Variants in RALGDS observed in about 807,000 individuals in gnomAD.
RALGDS encodes the protein ral guanine nucleotide exchange factor.
RALGDS carries 44 observed loss-of-function variants against 99.8 expected under a neutral mutation model. The observed-to-expected ratio is 0.44, with a 90% CI of 0.35 to 0.57. The LOEUF (loss-of-function observed/expected upper bound fraction) is 0.57. Ranked by LOEUF, RALGDS falls within the 20% of genes least tolerant of loss-of-function variation. The probability of loss-of-function intolerance (pLI) is 0.01; values close to 1 mark genes in which losing one functional copy is unlikely to be tolerated. For synonymous variants in RALGDS, 529 were observed against 505.0 expected, an observed-to-expected ratio of 1.05 and a Z score of -0.64; for missense variants, 1,022 against 1,203.1, an observed-to-expected ratio of 0.85 and a Z score of 2.23.
chr9:133,126,253 TTG>T (rs1260211041), intron 1 of RALGDS, among the ~76,000 whole-genome samples: 1 of 144,368 alleles, frequency 6.9e-6, no homozygotes, highest in African/African-American at 2.6e-5. Flanking sequence ...CTGCCTTTCC[TTG>T]GGGGCTACAA....
At chr9:133,142,369 G>C (rs1197829975) in intron 1 of RALGDS, among the ~76,000 whole-genome samples, 1 of 152,110 alleles carries the variant, frequency 6.6e-6, no homozygotes, top group Non-Finnish European at 1.5e-5. Context: ...GTGGGTGTGC[G>C]CTGGTGGGGG....
At chr9:133,100,782 T>A in intron 16 of RALGDS, 1 of 1,152,556 alleles carries the variant, frequency 8.7e-7, no homozygotes, top group Non-Finnish European at 1.1e-6. Flanking sequence ...GGATGCTCAG[T>A]GTGGTCAGCA....
chr9:133,098,763 C>T lies in RALGDS; in HGVS notation c.2570-1G>A. 6.2e-7 allele frequency: 1 copy of T among 1,613,868 alleles called. No individual in the cohort carries two copies. Among genetic ancestry groups the T allele is most frequent in the Non-Finnish European group, 8.5e-7 (1 of 1,179,944 alleles). On this transcript the variant is annotated splice_acceptor_variant, in intron 17 of 17. Transcript: ENST00000372050. LOFTEE classifies it high-confidence loss of function. ...TTGGCGTTTTCAGGGATCTTCAGCTCTGGTGGGGAGGGGCAGAGGGGTGAT... is the reference window on the plus strand; with the variant it reads ...TTGGCGTTTTCAGGGATCTTCAGCTTTGGTGGGGAGGGGCAGAGGGGTGAT...
At position 133,144,570 on chromosome 9, in the gene RALGDS, T is replaced by C. The variant is rs1387585596; in HGVS notation, c.18+4393A>G. 6.6e-6 allele frequency among the ~76,000 whole-genome samples: 1 copy of C among 152,224 alleles called. No individual in the cohort carries two copies. The highest frequency in any genetic ancestry group is 1.5e-5 in the Non-Finnish European group (1 of 68,044). Reference sequence around the variant, plus strand: ...TGTCTGCGGCAGCTCCGCGCCGGGCTGGGCGGCCGCACGGGAGGGCACAGC... The same window carrying C: ...TGTCTGCGGCAGCTCCGCGCCGGGCCGGGCGGCCGCACGGGAGGGCACAGC... On this transcript the variant is annotated intron_variant, in intron 1 of 17. Transcript: ENST00000393160. This position sits in a 1 kb window ranked among gnomAD's most constrained non-coding sequence, Gnocchi z 4.5.
At chr9:133,120,571 C>A (rs1481143027) in intron 1 of RALGDS, among the ~76,000 whole-genome samples, 1 of 152,172 alleles carries the variant, frequency 6.6e-6, no homozygotes, top group African/African-American at 2.4e-5. Flanking sequence ...ACCACTTGTT[C>A]CACACCTGCA....
chr9:133,110,310 G>A lies in RALGDS; in HGVS notation c.474C>T (p.Asp158=). Residue 158 remains aspartate (D), a synonymous_variant, in exon 3 of 18, where the codon GAC becomes GAT. Coordinates refer to ENST00000372050, the MANE Select transcript of RALGDS (RefSeq NM_006266.4). Reference sequence around the variant, plus strand: ...CTCATGCTCACCTTTTGAACAGCAGGTCCAGGACCTGTTGGGTGGTGGTGA... The same window carrying A: ...CTCATGCTCACCTTTTGAACAGCAGATCCAGGACCTGTTGGGTGGTGGTGA... ...RAFTTTQQVL[D]LLFKRYGRCD... 6.2e-7 allele frequency: 1 copy of A among 1,613,728 alleles called. No homozygotes were observed. The highest frequency in any genetic ancestry group is 8.5e-7 in the Non-Finnish European group (1 of 1,179,872).
chr9:133,108,649 GGCA>G (rs1564235808), intron 5 of RALGDS, 21 bp downstream of exon 5: 1 of 1,611,916 alleles, frequency 6.2e-7, no homozygotes, highest in Non-Finnish European at 8.5e-7. Context: ...TTCACCCTCT[GGCA>G]CCCACCCCAG....
Position 133,100,546 on chromosome 9 carries a change from CTCCCCAAGTGAGGCCTCCGTCCTTCTGT to C in RALGDS, c.2455-192_2455-165del, listed in dbSNP as rs1830708681. Reference sequence around the variant, plus strand: ...GAGAGGGCCTTGTCACATTCTCCTACTCCCCAAGTGAGGCCTCCGTCCTTCTGTTCCCCATGTGAGGCCTCCATGGAAT... The same window carrying C: ...GAGAGGGCCTTGTCACATTCTCCTACTCCCCATGTGAGGCCTCCATGGAAT... On this transcript the variant is annotated intron_variant, in intron 16 of 17. Transcript: ENST00000372050. 2.1e-5 allele frequency: 31 copies of C among 1,500,148 alleles called. No individual in the cohort carries two copies. The South Asian group carries it at 3.6e-4, about 17-fold the overall frequency. 92.9% of individuals were successfully genotyped at this position (1,500,148 alleles called of 1,614,324 possible). A position where few individuals can be genotyped will look rare whatever the true frequency, so the allele number is the denominator to read the frequency against.
upstream of RALGDS, among the ~76,000 whole-genome samples, chr9:133,122,914 G>A (rs1445106314): frequency 2.0e-5 from 3 of 152,160 alleles, no homozygotes; most frequent in Non-Finnish European, 4.4e-5. Context: ...ATGTTGGCCA[G>A]GCTGATCTTG....
At chr9:133,138,873 G>A (rs1347000021) in intron 1 of RALGDS, among the ~76,000 whole-genome samples, 1 of 152,166 alleles carries the variant, frequency 6.6e-6, no homozygotes. Context: ...GACCTCAGGT[G>A]ATCCACCTGC....
chr9:133,115,501 G>T (rs1378412476), intron 1 of RALGDS, among the ~76,000 whole-genome samples: 1 of 152,128 alleles, frequency 6.6e-6, no homozygotes, highest in East Asian at 1.9e-4. Context: ...CGGGGTGCTT[G>T]CCACCCCCCT....
chr9:133,110,145 C>A (rs1831273195), intron 3 of RALGDS, 151 bp downstream of exon 3: 6 of 823,152 alleles, frequency 7.3e-6, no homozygotes, highest in Non-Finnish European at 1.2e-5. Context: ...ATGGTGACAA[C>A]CCCATGAGGT....
intron 16 of RALGDS, chr9:133,101,208 C>G (rs773245665): frequency 5.6e-6 from 7 of 1,242,814 alleles, no homozygotes; most frequent in Non-Finnish European, 7.2e-6. Context: ...TCTTCCTCCC[C>G]GAGAAAGTCG....
chr9:133,124,326 A>G (rs757840140), upstream of RALGDS, among the ~76,000 whole-genome samples: 22 of 152,274 alleles, frequency 1.4e-4, no homozygotes, highest in Admixed American at 1.2e-3. Context: ...AGACATTGGA[A>G]CAGAGACACA....
rs1564229503 is a variant in RALGDS, at chr9:133,103,270, GTGGACA to G, written c.1759-14_1759-9del. Reference sequence around the variant, plus strand: ...AAAGTTGATGAGTCTGCCCTGGAAGGTGGACACCCAATGGCCGTCAGAAAGTGACCC... The same window carrying G: ...AAAGTTGATGAGTCTGCCCTGGAAGGCCCAATGGCCGTCAGAAAGTGACCC... On this transcript the variant is annotated splice_polypyrimidine_tract_variant and intron_variant, in intron 11 of 17. Coordinates refer to ENST00000372050, the MANE Select transcript of RALGDS (RefSeq NM_006266.4). The G allele has an allele frequency of 6.2e-7, 1 of 1,613,956 alleles. No individual in the cohort carries two copies. Among genetic ancestry groups the G allele is most frequent in the Non-Finnish European group, 8.5e-7 (1 of 1,180,020 alleles).
intron 1 of RALGDS, among the ~76,000 whole-genome samples, chr9:133,120,096 G>A (rs1247938684): frequency 6.6e-6 from 1 of 152,190 alleles, no homozygotes; most frequent in Non-Finnish European, 1.5e-5. Context: ...TGCCCAGGCA[G>A]AGCAGGGCGA....
upstream of RALGDS, among the ~76,000 whole-genome samples, chr9:133,123,054 G>C (rs1489903346): frequency 6.6e-6 from 1 of 152,006 alleles, no homozygotes; most frequent in Non-Finnish European, 1.5e-5. Flanking sequence ...ATTTGGGATG[G>C]AGATCCCTAG....
rs199963043 is a variant in RALGDS at position 133,107,286 on chromosome 9, C to T, written c.1212G>A (p.Lys404=). The part of the protein sequence containing the change: ...FTLMDAELFK[K]VVPYHCLGSI... ...AGCCCAGGCAGTGGTAGGGCACCAC[C>T]TTCTTGAACAGTTCCTGGGGAGGAG... The change falls in exon 7 of 18, where the codon AAG becomes AAA. Residue 404 remains lysine (K), a synonymous_variant. Transcript: ENST00000372050. The T allele has an allele frequency of 6.2e-7, 1 of 1,613,512 alleles. No homozygotes were observed. Among genetic ancestry groups the T allele is most frequent in the African/African-American group, 1.3e-5 (1 of 75,070 alleles).
At chr9:133,131,873 G>C (rs1832340490), upstream of RALGDS, among the ~76,000 whole-genome samples, 1 of 152,270 alleles carries the variant, frequency 6.6e-6, no homozygotes, top group African/African-American at 2.4e-5. Context: ...AAGGGCGCTG[G>C]AGGATTCCAC....
Sources: allele counts gnomAD v4.1 joint callset (sites outside exome capture counted in the v4.1 genomes callset), GRCh38; gene constraint gnomAD v4.1.1; non-coding constraint Gnocchi (gnomAD v3.1); transcripts MANE v1.5; gene names NCBI Gene and HGNC (gene_info 2026-07-23, HGNC 2026-07-21).